The following MOB3B variants were observed in gnomAD, a reference collection of about 807,000 sequenced individuals.
The protein encoded by MOB3B is MOB kinase activator 3B.
Under a neutral mutation model 18.7 loss-of-function variants are expected in MOB3B, and 7 were observed. The ratio of observed to expected loss-of-function variants is 0.37; its 90% confidence interval spans 0.21 to 0.70. The LOEUF is 0.70. Among genes scored for constraint, MOB3B ranks in the 30% least tolerant of loss-of-function variants. The probability of loss-of-function intolerance (pLI) is 0.52; values close to 1 mark genes in which losing one functional copy is unlikely to be tolerated. For missense variants in MOB3B, 253 were observed against 281.3 expected (o/e 0.90, Z 0.72); for synonymous variants, 111 against 99.9 (o/e 1.11, Z -0.66).
At chr9:27,343,176 C>T (rs1252546399) in intron 3 of MOB3B, among the ~76,000 whole-genome samples, 7 of 151,444 alleles carry the variant, frequency 4.6e-5, no homozygotes, top group Admixed American at 4.6e-4. Flanking sequence ...TAACTTTACC[C>T]CCAACCCCGT....
chr9:27,391,573 G>C (rs538452218), intron 2 of MOB3B, among the ~76,000 whole-genome samples: 1 of 152,194 alleles, frequency 6.6e-6, no homozygotes, highest in Non-Finnish European at 1.5e-5. Flanking sequence ...ATGAAAGTAA[G>C]TGTTTACACT....
At chr9:27,500,798 A>G (rs1041750373) in intron 1 of MOB3B, among the ~76,000 whole-genome samples, 4 of 152,238 alleles carry the variant, frequency 2.6e-5, no homozygotes, top group Non-Finnish European at 5.9e-5. Context: ...AACTACCATC[A>G]GAGTGAACAG....
intron 1 of MOB3B, among the ~76,000 whole-genome samples, chr9:27,468,049 A>T (rs1217564510): frequency 6.6e-6 from 1 of 152,252 alleles, no homozygotes; most frequent in African/African-American, 2.4e-5. Context: ...TTTTGTTAGC[A>T]GAGACTCTTC....
intron 1 of MOB3B, among the ~76,000 whole-genome samples, chr9:27,527,546 G>T (rs1820454412): frequency 6.6e-6 from 1 of 152,220 alleles, no homozygotes; most frequent in African/African-American, 2.4e-5. Context: ...GCTGTGCAGA[G>T]CCAAGCTTCT....
chr9:27,349,798 G>A (rs1821080090), intron 3 of MOB3B, among the ~76,000 whole-genome samples: 1 of 152,212 alleles, frequency 6.6e-6, no homozygotes, highest in African/African-American at 2.4e-5. Context: ...CAATAAAGTA[G>A]GAGAGAAGTG....
chr9:27,501,969 G>GA (rs1432661161), intron 1 of MOB3B, among the ~76,000 whole-genome samples: 1 of 151,914 alleles, frequency 6.6e-6, no homozygotes, highest in Non-Finnish European at 1.5e-5. Flanking sequence ...GCTCTTTCAG[G>GA]AAAAAAACAC....
Position 27,510,000 on chromosome 9 carries a change from T to C in MOB3B, c.-199+19555A>G, listed in dbSNP as rs117692164. Among the ~76,000 whole-genome samples the C allele has an allele frequency of 5.6e-3, 847 of 152,336 alleles. 3 individuals are homozygous for C. Among genetic ancestry groups the C allele is most frequent in the Middle Eastern group, 0.02 (6 of 294 alleles). On this transcript the variant is annotated intron_variant, in intron 1 of 3. Transcript: ENST00000262244. ...TCGCTCTCCTAAAGTGCTGGGATTA[T>C]AGGCATGAGCCACTGCACCCAGCCT...
intron 3 of MOB3B, among the ~76,000 whole-genome samples, chr9:27,337,361 C>G (rs1239044024): frequency 2.0e-5 from 3 of 152,200 alleles, no homozygotes; most frequent in African/African-American, 7.2e-5. Flanking sequence ...AGAACACTGA[C>G]CATCTTGAAA....
At chr9:27,409,118 C>A (rs1038113022) in intron 2 of MOB3B, among the ~76,000 whole-genome samples, 2 of 152,178 alleles carry the variant, frequency 1.3e-5, no homozygotes, top group African/African-American at 4.8e-5. Context: ...TAAGTTAGGT[C>A]ACATAGCTAG....
At chr9:27,447,366 C>T (rs549732768) in intron 2 of MOB3B, among the ~76,000 whole-genome samples, 1 of 152,308 alleles carries the variant, frequency 6.6e-6, no homozygotes, top group East Asian at 1.9e-4. Flanking sequence ...GCCATGGCTA[C>T]AAATGACAAA....
chr9:27,471,301 T>A (rs1009253952), intron 1 of MOB3B, among the ~76,000 whole-genome samples: 3 of 152,202 alleles, frequency 2.0e-5, no homozygotes, highest in Non-Finnish European at 4.4e-5. Flanking sequence ...TGAAGAGTTG[T>A]ATTTCCAGCA....
At chr9:27,474,190 C>T (rs1211478218) in intron 1 of MOB3B, among the ~76,000 whole-genome samples, 1 of 152,046 alleles carries the variant, frequency 6.6e-6, no homozygotes, top group Admixed American at 6.6e-5. Flanking sequence ...TTTTATAAAG[C>T]CTTGTATGGG....
chr9:27,470,997 C>T (rs1819462303), intron 1 of MOB3B, among the ~76,000 whole-genome samples: 1 of 152,068 alleles, frequency 6.6e-6, no homozygotes, highest in Non-Finnish European at 1.5e-5. Flanking sequence ...AAAATACAAC[C>T]CCTTCTCACC....
At chr9:27,417,454 G>A (rs1822169833) in intron 2 of MOB3B, among the ~76,000 whole-genome samples, 1 of 152,036 alleles carries the variant, frequency 6.6e-6, no homozygotes, top group Non-Finnish European at 1.5e-5. Flanking sequence ...GAAAAAGAGA[G>A]ACACCCTGTG....
At chr9:27,458,517 GT>G (rs34061911) in intron 1 of MOB3B, among the ~76,000 whole-genome samples, 18,822 of 128,068 alleles carry the variant, frequency 0.15, 1,164 homozygotes, top group African/African-American at 0.22. Flanking sequence ...TTGAAGATAT[GT>G]TTTTTTTTTT....
chr9:27,338,116 C>G (rs1466297972), intron 3 of MOB3B, among the ~76,000 whole-genome samples: 1 of 152,222 alleles, frequency 6.6e-6, no homozygotes, highest in Non-Finnish European at 1.5e-5. Flanking sequence ...CCTACTAGAT[C>G]AAGTCCTCAA....
chr9:27,409,928 G>A (rs1435636196), intron 2 of MOB3B, among the ~76,000 whole-genome samples: 1 of 152,000 alleles, frequency 6.6e-6, no homozygotes, highest in African/African-American at 2.4e-5. Context: ...GAGAGGGAGG[G>A]GTGGGGATGA....
At chr9:27,446,174 G>A (rs62541581) in intron 2 of MOB3B, among the ~76,000 whole-genome samples, 21,095 of 152,084 alleles carry the variant, frequency 0.14, 1,822 homozygotes, top group Middle Eastern at 0.22. Context: ...AACTCTCAGA[G>A]AAATGAAGAT....
intron 2 of MOB3B, among the ~76,000 whole-genome samples, chr9:27,387,991 A>G (rs1821670940): frequency 6.6e-6 from 1 of 152,166 alleles, no homozygotes; most frequent in Non-Finnish European, 1.5e-5. Context: ...TTTGCTTGTC[A>G]TAATTGGGAG....
Sources: allele counts gnomAD v4.1 joint callset (sites outside exome capture counted in the v4.1 genomes callset), GRCh38; gene constraint gnomAD v4.1.1; transcripts MANE v1.5; gene names NCBI Gene and HGNC (gene_info 2026-07-23, HGNC 2026-07-21).